ROCK1: variants seen among roughly 807,000 people sequenced by gnomAD.
The protein encoded by ROCK1 is Rho associated coiled-coil containing protein kinase 1.
A neutral mutation model predicts 196.8 loss-of-function variants in ROCK1; 36 were observed. That is an observed-to-expected ratio of 0.18 (90% CI 0.14 to 0.24). The LOEUF (loss-of-function observed/expected upper bound fraction) is 0.24. Among genes scored for constraint, ROCK1 ranks in the 10% least tolerant of loss-of-function variants. The pLI, the probability that ROCK1 is intolerant of heterozygous loss-of-function variation, is 1.00. For synonymous variants in ROCK1, 443 were observed against 515.9 expected (o/e 0.86, Z 1.91); for missense variants, 920 against 1,562.0 (o/e 0.59, Z 6.93).
At chr18:20,961,188 AAACACAAAAGAATAGAAAAATAACCAATT>A (rs2035322858) in intron 27 of ROCK1, among the ~76,000 whole-genome samples, 1 of 152,182 alleles carries the variant, frequency 6.6e-6, no homozygotes, top group African/African-American at 2.4e-5. Flanking sequence ...CTTATATTTG[AAACACAAAAGAATAGAAAAATAACCAATT>A]TCAAAGTATG....
intron 9 of ROCK1, among the ~76,000 whole-genome samples, chr18:21,035,258 T>C (rs1218756901): frequency 6.6e-6 from 1 of 152,200 alleles, no homozygotes; most frequent in African/African-American, 2.4e-5. Flanking sequence ...AAATTAAACA[T>C]ATGGCTGAGC....
intron 26 of ROCK1, 49 bp from the exon 27 acceptor site, chr18:20,967,125 C>A (rs767298697): frequency 1.6e-6 from 2 of 1,239,076 alleles, no homozygotes; most frequent in East Asian, 4.7e-5. Flanking sequence ...AAACAATTTC[C>A]AACATTACTA....
chr18:21,036,981 A>C (rs913142221), intron 9 of ROCK1, among the ~76,000 whole-genome samples: 5 of 152,174 alleles, frequency 3.3e-5, no homozygotes, highest in South Asian at 2.1e-4. Context: ...TGATCTATAT[A>C]ACACTGAACA....
At chr18:21,026,870 CAGTA>C (rs537512790) in intron 10 of ROCK1, among the ~76,000 whole-genome samples, 2 of 151,872 alleles carry the variant, frequency 1.3e-5, no homozygotes, top group South Asian at 2.1e-4. Flanking sequence ...TTAACCCACC[CAGTA>C]AGTGTTATCA....
chr18:21,105,818 G>A (rs1245986377), intron 1 of ROCK1, among the ~76,000 whole-genome samples: 1 of 152,126 alleles, frequency 6.6e-6, no homozygotes, highest in Non-Finnish European at 1.5e-5. Context: ...TGGGTATCAT[G>A]TACATAGAGA....
chr18:21,046,031 C>T (rs1385429614), intron 4 of ROCK1, among the ~76,000 whole-genome samples: 1 of 151,234 alleles, frequency 6.6e-6, no homozygotes, highest in Admixed American at 6.6e-5. Flanking sequence ...CTACCTCAGC[C>T]TCCCGAGGAG....
At chr18:20,978,708 G>A (rs980135509) in intron 22 of ROCK1, among the ~76,000 whole-genome samples, 2 of 152,098 alleles carry the variant, frequency 1.3e-5, no homozygotes, top group Non-Finnish European at 2.9e-5. Context: ...AACATCTACA[G>A]GACAAAAAAA....
chr18:21,083,514 A>G (rs1030933566), intron 1 of ROCK1, among the ~76,000 whole-genome samples: 8 of 151,300 alleles, frequency 5.3e-5, no homozygotes, highest in Non-Finnish European at 1.2e-4. Flanking sequence ...TTTCAACTGC[A>G]TGAGTCCACT....
chr18:21,026,522 T>G (rs576994114), intron 10 of ROCK1, among the ~76,000 whole-genome samples: 29 of 151,822 alleles, frequency 1.9e-4, no homozygotes, highest in African/African-American at 7.0e-4. Context: ...GTATGTTAAT[T>G]GAATACAGTT....
chr18:21,090,471 T>C (rs1448761460), intron 1 of ROCK1, among the ~76,000 whole-genome samples: 1 of 152,182 alleles, frequency 6.6e-6, no homozygotes, highest in Non-Finnish European at 1.5e-5. Flanking sequence ...TTTGAGACTC[T>C]GTATCAAAAA....
At chr18:21,071,388 C>T (rs2036384408) in intron 1 of ROCK1, among the ~76,000 whole-genome samples, 1 of 152,060 alleles carries the variant, frequency 6.6e-6, no homozygotes, top group African/African-American at 2.4e-5. Flanking sequence ...ATTGCCCAGG[C>T]TGGTCTTGAA....
intron 22 of ROCK1, among the ~76,000 whole-genome samples, chr18:20,971,858 A>G (rs2035432393): frequency 6.6e-6 from 1 of 152,086 alleles, no homozygotes; most frequent in Non-Finnish European, 1.5e-5. Context: ...AGTTATGAAT[A>G]TGATCACTTT....
At chr18:21,031,722 C>G (rs1363770827) in intron 9 of ROCK1, among the ~76,000 whole-genome samples, 1 of 149,396 alleles carries the variant, frequency 6.7e-6, no homozygotes, top group Admixed American at 6.7e-5. Flanking sequence ...AGCAAATGAA[C>G]ACTATGGATG....
chr18:20,969,429 T>C (rs1231499717), intron 23 of ROCK1: 4 of 355,444 alleles, frequency 1.1e-5, no homozygotes, highest in African/African-American at 4.2e-5. Context: ...GATATATGTA[T>C]GAACAAAAGG....
At chr18:20,982,648 T>C (rs2143390066) in intron 21 of ROCK1, 115 bp downstream of exon 21, 1 of 567,148 alleles carries the variant, frequency 1.8e-6, no homozygotes, top group Middle Eastern at 2.9e-4. Flanking sequence ...ACAATGTTTA[T>C]TAGAAGATGA....
At chr18:21,107,886 T>G (rs1206132889) in intron 1 of ROCK1, among the ~76,000 whole-genome samples, 2 of 152,088 alleles carry the variant, frequency 1.3e-5, no homozygotes, top group African/African-American at 4.8e-5. Context: ...AAACCCCATC[T>G]CTACTAAAAC....
intron 9 of ROCK1, among the ~76,000 whole-genome samples, 192 bp downstream of exon 9, chr18:21,039,280 T>C (rs1217023890): frequency 6.6e-6 from 1 of 152,094 alleles, no homozygotes; most frequent in Non-Finnish European, 1.5e-5. Context: ...GTATCCTGCG[T>C]GGGACATAAG....
chr18:21,002,445 TCACTAATC>T (rs1219588402), intron 16 of ROCK1, among the ~76,000 whole-genome samples: 1 of 152,192 alleles, frequency 6.6e-6, no homozygotes, highest in East Asian at 1.9e-4. Flanking sequence ...TTTTAAAAAT[TCACTAATC>T]ATCTTTGGAG....
At chr18:20,975,771 C>T (rs531014103) in intron 22 of ROCK1, among the ~76,000 whole-genome samples, 47 of 152,154 alleles carry the variant, frequency 3.1e-4, no homozygotes, top group African/African-American at 1.0e-3. Flanking sequence ...CCACCACGCC[C>T]GGCTAATTTT....
Sources: allele counts gnomAD v4.1 joint callset (sites outside exome capture counted in the v4.1 genomes callset), GRCh38; gene constraint gnomAD v4.1.1; transcripts MANE v1.5; gene names NCBI Gene and HGNC (gene_info 2026-07-23, HGNC 2026-07-21).